The following KCNB2 variants were observed in gnomAD, a reference collection of about 807,000 sequenced individuals.
KCNB2 encodes potassium voltage-gated channel subfamily B member 2, also known as delayed rectifier potassium channel protein.
A neutral mutation model predicts 61.5 loss-of-function variants in KCNB2; 15 were observed. The observed-to-expected ratio is 0.24, with a 90% CI of 0.16 to 0.38. KCNB2 has a LOEUF of 0.38. Ranked by LOEUF, KCNB2 falls within the 10% of genes least tolerant of loss-of-function variation. The pLI is 1.00. For synonymous variants in KCNB2, 457 were observed against 446.0 expected, an observed-to-expected ratio of 1.02 and a Z score of -0.31; for missense variants, 828 against 1,125.2, an observed-to-expected ratio of 0.74 and a Z score of 3.78.
Position 72,567,783 on chromosome 8 carries a change from A to T in KCNB2, c.49A>T (p.Thr17Ser), listed in dbSNP as rs1379144064. ...PGLNRKTSRS[T>S]LSLPPEPVDI... Reference sequence around the variant, plus strand: ...CTTAAACAGGAAGACTTCAAGGTCGACACTTTCCCTTCCTCCAGAGCCTGT... The same window carrying T: ...CTTAAACAGGAAGACTTCAAGGTCGTCACTTTCCCTTCCTCCAGAGCCTGT... The change falls in exon 2 of 3, where the codon ACA (threonine) becomes TCA (serine). Residue 17 changes from threonine to serine, a missense_variant. By Grantham distance (58) the Thr-to-Ser change is moderately conservative (BLOSUM62 1). Around this residue, in one of 4 missense-constraint regions of KCNB2, gnomAD observed 62 missense variants for 54.8 expected, o/e 1.13. Transcript: ENST00000523207. The T allele has an allele frequency of 6.2e-7, 1 of 1,608,808 alleles. No individual in the cohort carries two copies. The highest frequency in any genetic ancestry group is 2.2e-5 in the East Asian group (1 of 44,838).
chr8:72,561,723 A>ACG (rs1219315299), intron 1 of KCNB2, among the ~76,000 whole-genome samples: 1 of 31,800 alleles, frequency 3.1e-5, no homozygotes, highest in South Asian at 7.6e-4. Flanking sequence ...ATATATATAT[A>ACG]TATATCTATA....
chr8:72,561,362 G>A (rs1806508102), intron 1 of KCNB2, among the ~76,000 whole-genome samples: 1 of 151,446 alleles, frequency 6.6e-6, no homozygotes, highest in Admixed American at 6.6e-5. Flanking sequence ...TCACCACTTT[G>A]GCCAGGATGG....
intron 2 of KCNB2, among the ~76,000 whole-genome samples, chr8:72,787,429 T>C (rs79951066): frequency 6.6e-6 from 1 of 152,122 alleles, no homozygotes; most frequent in East Asian, 1.9e-4. Flanking sequence ...ATTTTTTTTT[T>C]GCTTTTATGT....
intron 2 of KCNB2, among the ~76,000 whole-genome samples, chr8:72,715,869 A>C (rs1807428962): frequency 6.6e-6 from 1 of 152,222 alleles, no homozygotes; most frequent in Non-Finnish European, 1.5e-5. Context: ...CAATGAATCC[A>C]GGAGCTGGTT....
intron 1 of KCNB2, among the ~76,000 whole-genome samples, chr8:72,558,011 C>T (rs1168900739): frequency 2.0e-5 from 3 of 152,146 alleles, no homozygotes; most frequent in African/African-American, 7.2e-5. Flanking sequence ...AAACAAGATA[C>T]TAGTGCTTTG....
intron 2 of KCNB2, among the ~76,000 whole-genome samples, chr8:72,795,119 A>G (rs1809011622): frequency 6.6e-6 from 1 of 152,254 alleles, no homozygotes; most frequent in South Asian, 2.1e-4. Context: ...AAGATCATTA[A>G]GAGGTAGTAA....
intron 2 of KCNB2, among the ~76,000 whole-genome samples, chr8:72,867,044 A>G (rs1288050440): frequency 3.9e-5 from 6 of 152,190 alleles, no homozygotes; most frequent in Non-Finnish European, 8.8e-5. Context: ...GAATTTCTAA[A>G]TCCCAAACTA....
chr8:72,685,720 T>A (rs2128989545), intron 2 of KCNB2, among the ~76,000 whole-genome samples: 1 of 152,334 alleles, frequency 6.6e-6, no homozygotes, highest in South Asian at 2.1e-4. Context: ...CCGGGTGCAG[T>A]GGCTCACGCC....
At position 72,628,026 on chromosome 8, in the gene KCNB2, C is replaced by T. The variant is rs941063136; in HGVS notation, c.579+59713C>T. Among the ~76,000 whole-genome samples the T allele has an allele frequency of 2.6e-5, 4 of 152,000 alleles. No homozygotes were observed. The South Asian group carries it at 6.2e-4, about 24-fold the overall frequency. ...TGGAGTGCAGTGGTGGGATCTCAGC[C>T]CACTGCCACCTCCACCTCCCAGGTT... On this transcript the variant is annotated intron_variant, in intron 2 of 2. Transcript: ENST00000523207.
chr8:72,784,889 A>G (rs1808822524), intron 2 of KCNB2, among the ~76,000 whole-genome samples: 1 of 152,154 alleles, frequency 6.6e-6, no homozygotes. Flanking sequence ...GCACAATAAA[A>G]GTTTGTTGAA....
At position 72,911,110 on chromosome 8, in the gene KCNB2, T is replaced by C. The variant is rs767414711; in HGVS notation, c.580-24825T>C. Among the ~76,000 whole-genome samples, 25 of 152,236 alleles carry C rather than the reference T, an allele frequency of 1.6e-4. 1 individual carries two copies. The highest frequency in any genetic ancestry group is 1.6e-3 in the Admixed American group (24 of 15,272). Reference sequence around the variant, plus strand: ...CAGTAGCAATTTTCTGCATTGCATGTGTATTCACTTGGAGAATTCATTTTC... The same window carrying C: ...CAGTAGCAATTTTCTGCATTGCATGCGTATTCACTTGGAGAATTCATTTTC... On this transcript the variant is annotated intron_variant, in intron 2 of 2. Transcript: ENST00000523207.
intron 2 of KCNB2, among the ~76,000 whole-genome samples, chr8:72,757,509 A>G (rs1435930433): frequency 6.6e-6 from 1 of 152,034 alleles, no homozygotes; most frequent in Admixed American, 6.5e-5. Context: ...ACTCTTACCA[A>G]TAAAGAGATT....
At chr8:72,899,478 C>T (rs1452703038) in intron 2 of KCNB2, among the ~76,000 whole-genome samples, 1 of 152,124 alleles carries the variant, frequency 6.6e-6, no homozygotes, top group Non-Finnish European at 1.5e-5. Context: ...GTCTGGAAAA[C>T]CCTAAAGACT....
chr8:72,609,091 A>C (rs761730140), intron 2 of KCNB2, among the ~76,000 whole-genome samples: 1 of 152,220 alleles, frequency 6.6e-6, no homozygotes, highest in Non-Finnish European at 1.5e-5. Context: ...TTATGGTCTA[A>C]CACCTCTTTC....
chr8:72,910,364 C>T (rs995402934), intron 2 of KCNB2, among the ~76,000 whole-genome samples: 2 of 151,838 alleles, frequency 1.3e-5, no homozygotes, highest in African/African-American at 2.4e-5. Context: ...ATGCATAGAA[C>T]CATCAAAGGT....
intron 2 of KCNB2, among the ~76,000 whole-genome samples, chr8:72,803,015 A>T (rs1344156389): frequency 1.3e-5 from 2 of 152,176 alleles, no homozygotes; most frequent in African/African-American, 4.8e-5. Flanking sequence ...AATCTTTGAA[A>T]AGTTGTGCGA....
chr8:72,862,613 G>A (rs949474639), intron 2 of KCNB2, among the ~76,000 whole-genome samples: 1 of 152,182 alleles, frequency 6.6e-6, no homozygotes, highest in Non-Finnish European at 1.5e-5. Flanking sequence ...AAGGACAGGA[G>A]TTTCCAGTTT....
chr8:72,565,191 A>C (rs151190238), intron 1 of KCNB2, among the ~76,000 whole-genome samples: 1 of 152,026 alleles, frequency 6.6e-6, no homozygotes, highest in African/African-American at 2.4e-5. Flanking sequence ...TAGTTGAAAA[A>C]ACTCCTGCTG....
chr8:72,643,144 C>G (rs1296392257), intron 2 of KCNB2, among the ~76,000 whole-genome samples: 1 of 152,116 alleles, frequency 6.6e-6, no homozygotes, highest in Non-Finnish European at 1.5e-5. Context: ...TCCACACACC[C>G]TTTCCACACA....
Sources: gnomAD v4.1 joint callset for allele counts (sites outside exome capture counted in the v4.1 genomes callset) on GRCh38, gnomAD v4.1.1 for gene constraint, gnomAD v4.1.1 regional missense constraint, MANE v1.5 for transcripts, NCBI Gene and HGNC (gene_info 2026-07-23, HGNC 2026-07-21) for gene names.